The following CYP7B1 variants were observed in gnomAD, a reference collection of about 807,000 sequenced individuals.
The protein encoded by CYP7B1 is cytochrome P450 7B1.
A neutral mutation model predicts 42.7 loss-of-function variants in CYP7B1; 29 were observed. That is an observed-to-expected ratio of 0.68 (90% CI 0.51 to 0.93). The LOEUF is 0.93. Ranked by LOEUF, CYP7B1 falls within the 40% of genes least tolerant of loss-of-function variation. The pLI is 0.00. For synonymous variants in CYP7B1, 235 were observed against 218.2 expected (o/e 1.08, Z -0.68); for missense variants, 655 against 600.5 (o/e 1.09, Z -0.95).
At chr8:64,697,087 G>A (rs574691452) in intron 1 of CYP7B1, among the ~76,000 whole-genome samples, 14 of 152,254 alleles carry the variant, frequency 9.2e-5, no homozygotes, top group African/African-American at 3.4e-4. Flanking sequence ...TTTCCTGGAG[G>A]GTGAAGGAAA....
intron 1 of CYP7B1, among the ~76,000 whole-genome samples, chr8:64,721,781 TGATA>T (rs576329714): frequency 8.1e-4 from 124 of 152,274 alleles, no homozygotes; most frequent in African/African-American, 2.5e-3. Flanking sequence ...TATATCTTTA[TGATA>T]GATAGCAAGA....
intron 1 of CYP7B1, among the ~76,000 whole-genome samples, chr8:64,722,757 C>A (rs1029452000): frequency 1.9e-4 from 2 of 10,346 alleles, no homozygotes; most frequent in African/African-American, 3.3e-4. Context: ...GGGGGGGGGG[C>A]GGGAGGTTTT....
At chr8:64,660,449 C>A (rs1198690768) in intron 1 of CYP7B1, among the ~76,000 whole-genome samples, 1 of 152,140 alleles carries the variant, frequency 6.6e-6, no homozygotes, top group Admixed American at 6.6e-5. Flanking sequence ...AAATTATACA[C>A]AAGAGTTGGT....
intron 4 of CYP7B1, among the ~76,000 whole-genome samples, chr8:64,606,928 G>A (rs1172269830): frequency 6.6e-6 from 1 of 152,150 alleles, no homozygotes; most frequent in African/African-American, 2.4e-5. Flanking sequence ...GCTATACGTT[G>A]AGAAGAATGA....
At chr8:64,720,477 G>A (rs1482041425) in intron 1 of CYP7B1, among the ~76,000 whole-genome samples, 1 of 152,100 alleles carries the variant, frequency 6.6e-6, no homozygotes, top group African/African-American at 2.4e-5. Flanking sequence ...AATTTTATAT[G>A]AATGACCATT....
chr8:64,629,791 T>G (rs1272292516), intron 1 of CYP7B1, among the ~76,000 whole-genome samples: 1 of 152,154 alleles, frequency 6.6e-6, no homozygotes, highest in Non-Finnish European at 1.5e-5. Flanking sequence ...AACTTAGAAA[T>G]GTTCTAACAA....
chr8:64,696,791 A>G (rs1008429849), intron 1 of CYP7B1, among the ~76,000 whole-genome samples: 2 of 152,136 alleles, frequency 1.3e-5, no homozygotes, highest in African/African-American at 4.8e-5. Context: ...AACTGACAGA[A>G]CAAGTTCCTA....
intron 4 of CYP7B1, among the ~76,000 whole-genome samples, chr8:64,611,116 G>T (rs994268235): frequency 6.6e-6 from 1 of 152,058 alleles, no homozygotes; most frequent in Non-Finnish European, 1.5e-5. Flanking sequence ...ATCATGCCTG[G>T]CTTTGTAGAA....
rs1806152489 is a variant in CYP7B1, at chr8:64,658,382, A to C, written c.123-33843T>G. 2.0e-5 allele frequency among the ~76,000 whole-genome samples: 3 copies of C among 152,224 alleles called. No individual in the cohort carries two copies. The South Asian group carries it at 6.2e-4, about 32-fold the overall frequency. On this transcript the variant is annotated intron_variant, in intron 1 of 5. Transcript: ENST00000310193. ...CACTGTAATTTAAAACATTAGAAAC[A>C]CTGAGAAGTAAAGTTTTTTTAAATA...
At chr8:64,781,328 T>A (rs1298237222) in intron 1 of CYP7B1, among the ~76,000 whole-genome samples, 2 of 152,250 alleles carry the variant, frequency 1.3e-5, no homozygotes, top group East Asian at 3.9e-4. Context: ...TCTAAGAATG[T>A]TATAACAAAT....
chr8:64,659,140 T>A (rs1278513001), intron 1 of CYP7B1, among the ~76,000 whole-genome samples: 2 of 152,218 alleles, frequency 1.3e-5, no homozygotes, highest in Admixed American at 6.5e-5. Flanking sequence ...CTATAGTAAC[T>A]GAAATTTGAA....
At chr8:64,681,118 G>A (rs982904410) in intron 1 of CYP7B1, among the ~76,000 whole-genome samples, 7 of 152,178 alleles carry the variant, frequency 4.6e-5, no homozygotes, top group Non-Finnish European at 1.0e-4. Context: ...GGATGCAAAT[G>A]AGTAGACAAT....
intron 1 of CYP7B1, among the ~76,000 whole-genome samples, chr8:64,717,287 C>T (rs1010058194): frequency 1.3e-5 from 2 of 152,120 alleles, no homozygotes; most frequent in African/African-American, 4.8e-5. Context: ...GGAGATAAAA[C>T]AGTATCAAAG....
chr8:64,788,296 A>G (rs879720086), intron 1 of CYP7B1, among the ~76,000 whole-genome samples: 4 of 152,218 alleles, frequency 2.6e-5, no homozygotes, highest in Non-Finnish European at 5.9e-5. Context: ...GGGTGAAGGG[A>G]GTACAGCAGG....
chr8:64,781,890 A>G (rs1717148741), intron 1 of CYP7B1, among the ~76,000 whole-genome samples: 1 of 152,208 alleles, frequency 6.6e-6, no homozygotes, highest in Admixed American at 6.5e-5. Context: ...ACAGCACCTT[A>G]ATCTTTTATT....
chr8:64,751,736 G>T (rs1323382675), intron 1 of CYP7B1, among the ~76,000 whole-genome samples: 1 of 152,080 alleles, frequency 6.6e-6, no homozygotes. Flanking sequence ...GCTTACCCTT[G>T]TCTGAATAGC....
chr8:64,730,563 A>G (rs1220888509), intron 1 of CYP7B1, among the ~76,000 whole-genome samples: 1 of 152,148 alleles, frequency 6.6e-6, no homozygotes, highest in Non-Finnish European at 1.5e-5. Context: ...TGAGATGAGT[A>G]CCTGTTATCT....
intron 1 of CYP7B1, among the ~76,000 whole-genome samples, chr8:64,720,239 C>T (rs571562534): frequency 4.6e-5 from 7 of 152,074 alleles, no homozygotes; most frequent in East Asian, 1.9e-4. Context: ...TAAAAAAAGA[C>T]GATGTCGAAG....
intron 1 of CYP7B1, among the ~76,000 whole-genome samples, chr8:64,691,492 G>GGC (rs902197174): frequency 6.8e-6 from 1 of 147,532 alleles, no homozygotes; most frequent in African/African-American, 2.5e-5. Flanking sequence ...TGGGGGGGGG[G>GGC]GGTGGTGGTT....
Sources: allele counts gnomAD v4.1 joint callset (sites outside exome capture counted in the v4.1 genomes callset), GRCh38; gene constraint gnomAD v4.1.1; transcripts MANE v1.5; gene names NCBI Gene and HGNC (gene_info 2026-07-23, HGNC 2026-07-21).